Variants in PRSS57 observed in about 807,000 individuals in gnomAD.
PRSS57 encodes the protein serine protease 57, also known as neutrophil serine protease 4.
A neutral mutation model predicts 20.6 loss-of-function variants in PRSS57; 19 were observed. The observed-to-expected ratio is 0.92, with a 90% CI of 0.64 to 1.35. The LOEUF (loss-of-function observed/expected upper bound fraction) is 1.35. Among genes scored for constraint, PRSS57 ranks in the 40% most tolerant of loss-of-function variants. The probability of loss-of-function intolerance (pLI) is 0.00; values close to 1 mark genes in which losing one functional copy is unlikely to be tolerated. For missense variants in PRSS57, 440 were observed against 403.7 expected, an observed-to-expected ratio of 1.09 and a Z score of -0.77; for synonymous variants, 203 against 176.6, an observed-to-expected ratio of 1.15 and a Z score of -1.19.
At position 685,754 on chromosome 19, in the gene PRSS57, G is replaced by A. The variant is rs1179014602; in HGVS notation, c.811C>T (p.Leu271=). 1.3e-6 allele frequency: 2 copies of A among 1,559,864 alleles called. No individual in the cohort carries two copies. The highest frequency in any genetic ancestry group is 4.8e-5 in the East Asian group (2 of 42,044). The change falls in exon 5 of 5, where the codon CTG becomes TTG. Residue 271 remains leucine (L), a synonymous_variant. Coordinates refer to ENST00000329267, the MANE Select transcript of PRSS57 (RefSeq NM_001308209.2). ...CCTGGGGGCCTGGTGGTCCCAGGCA[G>A]GGGGCCGGGCTGGGGACTGCTCCGC... The part of the protein sequence containing the change: ...VRRSSPQPGP[L]PGTTRPPGEA...
chr19:695,225 C>T (rs561165677), intron 1 of PRSS57, 127 bp downstream of exon 1: 27 of 490,542 alleles, frequency 5.5e-5, no homozygotes, highest in African/African-American at 2.8e-4. Flanking sequence ...GAGGCAGCCA[C>T]GGGGGCTCGG....
Position 694,932 on chromosome 19 carries a change from C to T in PRSS57, c.115G>A (p.Val39Met). 2 of 1,578,390 alleles carry T rather than the reference C, an allele frequency of 1.3e-6. No homozygotes were observed. Among genetic ancestry groups the T allele is most frequent in the African/African-American group, 1.4e-5 (1 of 73,782 alleles). Residue 39 changes from valine (V) to methionine (M), a missense_variant, in exon 2 of 5, where the codon GTG (valine) becomes ATG (methionine). Val to Met is a conservative substitution (Grantham distance 21). Transcript: ENST00000329267. ...ATGTAGGGCCTGGAGTGGGGGGTCA[C>T]CTCGTGGCCCCCGATGATCTGGGCC... The part of the protein sequence containing the change: ...WGAQIIGGHE[V>M]TPHSRPYMAS...
intron 3 of PRSS57, 151 bp downstream of exon 3, chr19:691,707 T>G (rs2031652900): frequency 4.9e-6 from 3 of 608,466 alleles, no homozygotes; most frequent in African/African-American, 1.9e-5. Flanking sequence ...TAATCCCATG[T>G]ACTTGAGAGG....
chr19:690,237 G>A (rs2031604310), intron 3 of PRSS57: 1 of 152,638 alleles, frequency 6.6e-6, no homozygotes, highest in African/African-American at 2.4e-5. Context: ...CTTGAACCTG[G>A]GAGGCAGAGG....
intron 3 of PRSS57, chr19:690,790 C>T (rs1344418054): frequency 1.4e-5 from 5 of 350,174 alleles, no homozygotes; most frequent in African/African-American, 8.7e-5. Flanking sequence ...CCAAGCTCTC[C>T]GTTGTCCCCA....
chr19:688,556 A>G (rs2031540955), intron 3 of PRSS57, among the ~76,000 whole-genome samples: 1 of 144,692 alleles, frequency 6.9e-6, no homozygotes, highest in Admixed American at 6.9e-5. Context: ...TGGATGCACC[A>G]CGTGTGGGAG....
At chr19:692,078 C>A in intron 2 of PRSS57, 76 bp from the exon 3 acceptor site, 1 of 1,229,286 alleles carries the variant, frequency 8.1e-7, no homozygotes. Context: ...ATCTATGAAA[C>A]GGAGGCCCAG....
intron 2 of PRSS57, among the ~76,000 whole-genome samples, 169 bp from the exon 3 acceptor site, chr19:692,171 A>G (rs1286914549): frequency 6.6e-6 from 1 of 151,944 alleles, no homozygotes; most frequent in East Asian, 2.0e-4. Context: ...GGAGTTCAAG[A>G]CCAGCCTGAT....
chr19:692,078 C>T (rs767285638), intron 2 of PRSS57, 76 bp from the exon 3 acceptor site: 34 of 1,229,170 alleles, frequency 2.8e-5, no homozygotes, highest in Middle Eastern at 3.1e-4. Context: ...ATCTATGAAA[C>T]GGAGGCCCAG....
chr19:685,829 CGTCGGGGGTCTTGGG>C lies in PRSS57; in HGVS notation c.721_735del (p.Pro241_Asp245del). On this transcript the variant is annotated inframe_deletion, in exon 5 of 5. Transcript: ENST00000329267. ...ACAAAGGCGGACACCTGCGTGTACA[CGTCGGGGGTCTTGGG>C]GTCGCCGCACCAGAGGCCCGAGAAG... The C allele has an allele frequency of 6.4e-7, 1 of 1,564,226 alleles. No individual in the cohort carries two copies. The highest frequency in any genetic ancestry group is 8.7e-7 in the Non-Finnish European group (1 of 1,154,516).
intron 4 of PRSS57, 83 bp from the exon 5 acceptor site, chr19:686,005 C>G: frequency 8.3e-7 from 1 of 1,200,526 alleles, no homozygotes; most frequent in East Asian, 2.6e-5. Context: ...GCCTCAGAAC[C>G]CTCTGTGGCT....
At chr19:687,238 C>T in intron 3 of PRSS57, 50 bp from the exon 4 acceptor site, 1 of 1,443,144 alleles carries the variant, frequency 6.9e-7, no homozygotes. Context: ...CCCACCCCCG[C>T]TCCTGCCTCA....
At chr19:686,865 C>T (rs2031487053) in intron 4 of PRSS57, 60 bp downstream of exon 4, 2 of 1,561,722 alleles carry the variant, frequency 1.3e-6, no homozygotes, top group South Asian at 2.4e-5. Context: ...GGCCCTGACC[C>T]TCTCTGTGGG....
intron 3 of PRSS57, 67 bp from the exon 4 acceptor site, chr19:687,255 C>A: frequency 7.0e-7 from 1 of 1,429,150 alleles, no homozygotes. Context: ...CTCAGTTTAT[C>A]CATGGGACCC....
chr19:694,164 G>T (rs1401659783), intron 2 of PRSS57, among the ~76,000 whole-genome samples: 1 of 151,944 alleles, frequency 6.6e-6, no homozygotes, highest in Non-Finnish European at 1.5e-5. Context: ...GGGGGAGCTG[G>T]GGACACTGCA....
chr19:694,217 G>A (rs1327882505), intron 2 of PRSS57, among the ~76,000 whole-genome samples: 1 of 152,072 alleles, frequency 6.6e-6, no homozygotes, highest in Non-Finnish European at 1.5e-5. Context: ...GGCTCCTGCA[G>A]GAGGGGACCC....
At position 695,418 on chromosome 19, in the gene PRSS57, AC is replaced by A; in HGVS notation, c.12del (p.Leu5Ter). ...AGCAGAGGACGTCCCCAGCCCCTCA[AC>A]CCGAGCCCCATGGCAGACGCAGGCT... MGL[G>X]LRGWGRPLLT... is the part of the protein sequence containing the mutation. On this transcript the variant is annotated frameshift_variant, in exon 1 of 5. Coordinates refer to ENST00000329267, the MANE Select transcript of PRSS57 (RefSeq NM_001308209.2). LOFTEE classifies it high-confidence loss of function. 1.6e-6 allele frequency: 2 copies of A among 1,268,226 alleles called. No homozygotes were observed. The highest frequency in any genetic ancestry group is 2.3e-4 in the Middle Eastern group (1 of 4,424). The allele number at this position is 1,268,226 out of a possible 1,614,324, so 78.6% of individuals were successfully genotyped here. A position where few individuals can be genotyped will look rare whatever the true frequency, so the allele number is the denominator to read the frequency against.
At chr19:690,548 A>G (rs10422064) in intron 3 of PRSS57, 174,773 of 253,936 alleles carry the variant, frequency 0.69, 61,749 homozygotes, top group Non-Finnish European at 0.73. Context: ...CCTGGAGGAG[A>G]TCTGTCTCTT....
At position 694,852 on chromosome 19, in the gene PRSS57, G is replaced by A. The variant is rs2031743343; in HGVS notation, c.195C>T (p.Ala65=). 2 of 1,607,358 alleles carry A rather than the reference G, an allele frequency of 1.2e-6. No homozygotes were observed. The highest frequency in any genetic ancestry group is 1.7e-6 in the Non-Finnish European group (2 of 1,177,730). Residue 65 remains alanine, a synonymous_variant, in exon 2 of 5, where the codon GCC becomes GCT. Coordinates refer to ENST00000329267, the MANE Select transcript of PRSS57 (RefSeq NM_001308209.2). ...QHHCGGFLLR[A]RWVVSAAHCF... is the part of the protein sequence containing the mutation. Reference sequence around the variant, plus strand: ...AGTGGGCGGCCGAGACCACCCAGCGGGCTCGCAGCAGGAAGCCTCCGCAGT... The same window carrying A: ...AGTGGGCGGCCGAGACCACCCAGCGAGCTCGCAGCAGGAAGCCTCCGCAGT...
Sources: allele counts gnomAD v4.1 joint callset (sites outside exome capture counted in the v4.1 genomes callset), GRCh38; gene constraint gnomAD v4.1.1; transcripts MANE v1.5; gene names NCBI Gene and HGNC (gene_info 2026-07-23, HGNC 2026-07-21).